The following FANCL variants were observed in gnomAD, a reference collection of about 807,000 sequenced individuals.
FANCL encodes the protein E3 ubiquitin-protein ligase FANCL.
Under a neutral mutation model 59.4 loss-of-function variants are expected in FANCL, and 69 were observed. The ratio of observed to expected loss-of-function variants is 1.16; its 90% CI spans 0.96 to 1.42. The LOEUF (loss-of-function observed/expected upper bound fraction) is 1.42, where lower values mean the gene tolerates loss of function less well. FANCL is among the 40% of genes most tolerant of loss of function. The probability of loss-of-function intolerance (pLI) is 0.00; values close to 1 mark genes in which losing one functional copy is unlikely to be tolerated. For synonymous variants in FANCL, 180 were observed against 147.1 expected (o/e 1.22, Z -1.62); for missense variants, 519 against 447.2 (o/e 1.16, Z -1.45).
In FANCL at chr2:58,204,141, A is replaced by G; in HGVS notation, c.460T>C (p.Leu154=). The change falls in exon 6 of 14, where the codon TTG becomes CTG. Residue 154 remains leucine (L), a synonymous_variant. Transcript: ENST00000233741. The stretch of plus-strand genomic sequence containing the variant: ...AACGAGGCACATACCTTTGCCTTCA[A>G]CTTGAGAGTGATTAAATGCTCTCTA... The part of the protein sequence containing the change: ...SGREHLITLK[L]KAKYPAESPD... 6.2e-7 allele frequency: 1 copy of G among 1,612,740 alleles called. No homozygotes were observed. The highest frequency in any genetic ancestry group is 8.5e-7 in the Non-Finnish European group (1 of 1,178,918).
intron 5 of FANCL, among the ~76,000 whole-genome samples, chr2:58,210,131 T>C (rs1434569329): frequency 2.0e-5 from 3 of 152,210 alleles, no homozygotes; most frequent in Non-Finnish European, 4.4e-5. Flanking sequence ...TAGGAACATA[T>C]GATTATTACA....
intron 4 of FANCL, among the ~76,000 whole-genome samples, chr2:58,224,264 T>C (rs142964585): frequency 6.4e-4 from 97 of 151,924 alleles, no homozygotes; most frequent in African/African-American, 1.9e-3. Context: ...CTTGTATTTG[T>C]ATTGTTTATT....
At chr2:58,230,056 T>C (rs1693419435) in intron 2 of FANCL, among the ~76,000 whole-genome samples, 182 bp from the exon 3 acceptor site, 1 of 152,230 alleles carries the variant, frequency 6.6e-6, no homozygotes, top group Non-Finnish European at 1.5e-5. Context: ...ACTAATTTTA[T>C]TTCAAAATAT....
At chr2:58,228,247 T>C (rs188001732) in intron 3 of FANCL, among the ~76,000 whole-genome samples, 44 of 152,330 alleles carry the variant, frequency 2.9e-4, no homozygotes, top group African/African-American at 9.4e-4. Flanking sequence ...TAAGAGTTAC[T>C]ATTCCATTTC....
At chr2:58,185,796 A>C (rs1688342879) in intron 7 of FANCL, among the ~76,000 whole-genome samples, 1 of 152,186 alleles carries the variant, frequency 6.6e-6, no homozygotes, top group South Asian at 2.1e-4. Context: ...TCAGGAGATA[A>C]ACAAAAATTC....
intron 5 of FANCL, among the ~76,000 whole-genome samples, chr2:58,217,817 A>C (rs1692002723): frequency 6.6e-6 from 1 of 152,076 alleles, no homozygotes; most frequent in African/African-American, 2.4e-5. Context: ...ATCATTAAAC[A>C]TATTGGATAT....
intron 1 of FANCL, among the ~76,000 whole-genome samples, chr2:58,240,795 C>A (rs1225449931): frequency 6.6e-6 from 1 of 152,162 alleles, no homozygotes; most frequent in African/African-American, 2.4e-5. Flanking sequence ...AATGTTCTTT[C>A]TACAGGAAAC....
chr2:58,179,608 A>C (rs145482520), intron 7 of FANCL, among the ~76,000 whole-genome samples: 8,012 of 152,200 alleles, frequency 0.053, 309 homozygotes, highest in African/African-American at 0.097. Context: ...AGACTTAAAC[A>C]TAAGACCTAA....
chr2:58,241,355 T>A (rs756503275), upstream of FANCL: 3 of 1,594,800 alleles, frequency 1.9e-6, no homozygotes, highest in African/African-American at 1.3e-5. Flanking sequence ...CTAGACCTGC[T>A]GGGTCCTGCA....
chr2:58,240,032 T>C (rs751025755), intron 1 of FANCL, among the ~76,000 whole-genome samples: 6 of 151,976 alleles, frequency 3.9e-5, no homozygotes, highest in Non-Finnish European at 8.8e-5. Context: ...ATGGGTGTAC[T>C]TGTTTCCTAA....
rs70954881 is a variant in FANCL at position 58,219,140 on chromosome 2, T to TAAAAAA, written c.374+2796_374+2801dup. Among the ~76,000 whole-genome samples, 10 of 16,604 alleles carry TAAAAAA rather than the reference T, an allele frequency of 6.0e-4. 2 individuals carry two copies. Among genetic ancestry groups the TAAAAAA allele is most frequent in the East Asian group, 2.8e-3 (1 of 356 alleles). The allele number at this position is 16,604 out of a possible 152,430, so 10.9% of individuals were successfully genotyped here. On this transcript the variant is annotated intron_variant, in intron 5 of 13. Transcript: ENST00000233741. ...TCAGTGCCAGAAAGTAAATACATGCTAAAAAAAAAAAAAAAAAAAAAAAAA... is the reference window on the plus strand; with the variant it reads ...TCAGTGCCAGAAAGTAAATACATGCTAAAAAAAAAAAAAAAAAAAAAAAAAAAAAAA...
At chr2:58,220,662 T>A (rs567274433) in intron 5 of FANCL, among the ~76,000 whole-genome samples, 7 of 152,308 alleles carry the variant, frequency 4.6e-5, no homozygotes, top group African/African-American at 1.7e-4. Context: ...TTAAGATATG[T>A]TCCTTGTTCT....
At chr2:58,186,762 G>GTGGC (rs1005675837) in intron 7 of FANCL, among the ~76,000 whole-genome samples, 5 of 152,166 alleles carry the variant, frequency 3.3e-5, no homozygotes, top group African/African-American at 1.2e-4. Flanking sequence ...AAGAAGTAAA[G>GTGGC]TGGCGGAACC....
intron 7 of FANCL, among the ~76,000 whole-genome samples, chr2:58,170,241 TAAAGA>T (rs1017609013): frequency 1.3e-5 from 2 of 152,304 alleles, no homozygotes; most frequent in South Asian, 2.1e-4. Context: ...TTAATATTCT[TAAAGA>T]AAAGAATTTT....
chr2:58,190,297 G>A (rs1179552965), intron 7 of FANCL, among the ~76,000 whole-genome samples: 1 of 151,894 alleles, frequency 6.6e-6, no homozygotes, highest in East Asian at 1.9e-4. Context: ...AAGGGTATCT[G>A]CCCACAGGAC....
chr2:58,209,728 T>G (rs540280108), intron 5 of FANCL, among the ~76,000 whole-genome samples: 1 of 152,250 alleles, frequency 6.6e-6, no homozygotes, highest in East Asian at 1.9e-4. Flanking sequence ...AAATGTGACT[T>G]AAAGAGATTA....
intron 6 of FANCL, among the ~76,000 whole-genome samples, chr2:58,202,229 AC>A (rs1334317130): frequency 5.2e-5 from 6 of 114,330 alleles, no homozygotes; most frequent in African/African-American, 2.3e-4. Flanking sequence ...ATATACCTAT[AC>A]CTTTTTCCTA....
chr2:58,161,042 C>A (rs1685078146), intron 12 of FANCL, among the ~76,000 whole-genome samples: 1 of 151,950 alleles, frequency 6.6e-6, no homozygotes, highest in Non-Finnish European at 1.5e-5. Flanking sequence ...AGACTCAGAT[C>A]ACAAAAGGCA....
rs1449771759 is a variant in FANCL at position 58,198,611 on chromosome 2, C to T, written c.523G>A (p.Ala175Thr). Reference protein sequence around the residue: ...YFVDFPVPFCASWTPQSSLIS... With the variant: ...YFVDFPVPFCTSWTPQSSLIS... The stretch of plus-strand genomic sequence containing the variant: ...GAATTTACCTGAGGTGTCCAGGAGG[C>T]ACAAAATGGAACAGGAAAATCCACA... Residue 175 changes from alanine to threonine, a missense_variant, in exon 7 of 14, where the codon GCC becomes ACC. Physicochemically the swap from Ala to Thr is moderately conservative, Grantham distance 58. Coordinates refer to ENST00000233741, the MANE Select transcript of FANCL (RefSeq NM_018062.4). 5 of 1,613,622 alleles carry T rather than the reference C, an allele frequency of 3.1e-6. No individual in the cohort carries two copies. Among genetic ancestry groups the T allele is most frequent in the Non-Finnish European group, 4.2e-6 (5 of 1,179,796 alleles).
Sources: allele counts gnomAD v4.1 joint callset (sites outside exome capture counted in the v4.1 genomes callset), GRCh38; gene constraint gnomAD v4.1.1; transcripts MANE v1.5; gene names NCBI Gene and HGNC (gene_info 2026-07-23, HGNC 2026-07-21).